The following LRCH1 variants were observed in gnomAD, a reference collection of about 807,000 sequenced individuals.
LRCH1 encodes leucine-rich repeat and calponin homology domain-containing protein 1.
Under a neutral mutation model 94.9 loss-of-function variants are expected in LRCH1, and 23 were observed. The ratio of observed to expected loss-of-function variants is 0.24; its 90% CI spans 0.17 to 0.34. LRCH1 has a LOEUF of 0.34. Ranked by LOEUF, LRCH1 falls within the 10% of genes least tolerant of loss-of-function variation. The pLI is 1.00. For synonymous variants in LRCH1, 364 were observed against 354.9 expected, an observed-to-expected ratio of 1.03 and a Z score of -0.29; for missense variants, 790 against 945.9, an observed-to-expected ratio of 0.84 and a Z score of 2.16.
chr13:46,687,757 A>T (rs1357103307), intron 5 of LRCH1, 95 bp from the exon 6 acceptor site: 1 of 1,031,224 alleles, frequency 9.7e-7, no homozygotes, highest in Non-Finnish European at 1.4e-6. Context: ...TTAAAATGAA[A>T]CTGGGAAAAT....
rs890893544 is a variant in LRCH1, at chr13:46,553,475, C to CACA, written c.81_82insAAC (p.His27_His28insAsn). On this transcript the variant is annotated inframe_insertion, in exon 1 of 20. Coordinates refer to ENST00000389797, the MANE Select transcript of LRCH1 (RefSeq NM_001164211.2). ...TACTCTGCACCCACTTCATCATCCCCACCACCACCACCACCACCATCAGCA... is the reference window on the plus strand; with the variant it reads ...TACTCTGCACCCACTTCATCATCCCCACAACCACCACCACCACCACCATCAGCA... 52 of 1,529,758 alleles carry CACA rather than the reference C, an allele frequency of 3.4e-5. No individual in the cohort carries two copies. Among genetic ancestry groups the CACA allele is most frequent in the Non-Finnish European group, 4.4e-5 (50 of 1,134,530 alleles). The allele number at this position is 1,529,758 out of a possible 1,614,324, so 94.8% of individuals were successfully genotyped here.
At chr13:46,625,324 C>A (rs567993233) in intron 1 of LRCH1, among the ~76,000 whole-genome samples, 4 of 152,368 alleles carry the variant, frequency 2.6e-5, no homozygotes, top group African/African-American at 9.6e-5. Context: ...ATACTATGGA[C>A]TGCGTTTGTG....
At chr13:46,567,695 C>G (rs1924417) in intron 1 of LRCH1, among the ~76,000 whole-genome samples, 53,573 of 151,978 alleles carry the variant, frequency 0.35, 11,677 homozygotes, top group East Asian at 0.48. Flanking sequence ...TGTGCTATAA[C>G]TTTATAAGTA....
At chr13:46,722,005 G>A (rs754951518) in intron 16 of LRCH1, among the ~76,000 whole-genome samples, 14 of 152,146 alleles carry the variant, frequency 9.2e-5, no homozygotes, top group East Asian at 1.9e-4. Flanking sequence ...TACACCGAGC[G>A]GACTCAAGTC....
chr13:46,674,734 TAA>T (rs774244872), intron 3 of LRCH1, among the ~76,000 whole-genome samples: 65 of 152,334 alleles, frequency 4.3e-4, no homozygotes, highest in Middle Eastern at 3.4e-3. Flanking sequence ...GTCTTGAAAA[TAA>T]GCTAGCAAGG....
In LRCH1 at chr13:46,743,357, A is replaced by G; in HGVS notation, c.*1509A>G. On this transcript the variant is annotated 3_prime_UTR_variant, in exon 20 of 20. Transcript: ENST00000389797. ...GCTAACAGGAAGCATTCTTTACATGACAGTATCTTGAGTTATGTGAGTTTT... is the reference window on the plus strand; with the variant it reads ...GCTAACAGGAAGCATTCTTTACATGGCAGTATCTTGAGTTATGTGAGTTTT... 1.0e-6 allele frequency: 1 copy of G among 985,854 alleles called. No individual in the cohort carries two copies. Among genetic ancestry groups the G allele is most frequent in the Non-Finnish European group, 1.2e-6 (1 of 829,916 alleles). 61.1% of individuals were successfully genotyped at this position (985,854 alleles called of 1,614,324 possible). A position where few individuals can be genotyped will look rare whatever the true frequency, so the allele number is the denominator to read the frequency against.
At chr13:46,613,389 A>G (rs1245059536) in intron 1 of LRCH1, among the ~76,000 whole-genome samples, 1 of 150,892 alleles carries the variant, frequency 6.6e-6, no homozygotes, top group Non-Finnish European at 1.5e-5. Context: ...CCCGTCTGAA[A>G]AAAAAAAAAG....
chr13:46,656,522 G>A (rs9534453), intron 2 of LRCH1, among the ~76,000 whole-genome samples: 79,121 of 152,078 alleles, frequency 0.52, 21,159 homozygotes, highest in East Asian at 0.62. Context: ...TGGTAGCCAG[G>A]TTTTGTTTTG....
At chr13:46,748,586 C>T (rs575613649), downstream of LRCH1, among the ~76,000 whole-genome samples, 9 of 152,256 alleles carry the variant, frequency 5.9e-5, no homozygotes, top group African/African-American at 2.2e-4. Flanking sequence ...CCACAGATAT[C>T]CCTCACCATG....
chr13:46,677,470 C>A (rs2051693688), intron 3 of LRCH1, among the ~76,000 whole-genome samples: 1 of 152,016 alleles, frequency 6.6e-6, no homozygotes, highest in Non-Finnish European at 1.5e-5. Context: ...TCTCTTTTAC[C>A]ATATTGCTTT....
At chr13:46,581,629 T>C (rs768078242) in intron 1 of LRCH1, among the ~76,000 whole-genome samples, 35 of 152,214 alleles carry the variant, frequency 2.3e-4, no homozygotes, top group Non-Finnish European at 4.7e-4. Context: ...AATGTGTAAG[T>C]AATTTTTCTG....
intron 2 of LRCH1, among the ~76,000 whole-genome samples, chr13:46,660,269 C>T (rs2051430712): frequency 6.6e-6 from 1 of 152,036 alleles, no homozygotes; most frequent in South Asian, 2.1e-4. Flanking sequence ...CCACCTCGGC[C>T]TCCCAAAGTG....
intron 1 of LRCH1, among the ~76,000 whole-genome samples, chr13:46,580,255 A>G (rs2050350101): frequency 6.6e-6 from 1 of 152,224 alleles, no homozygotes; most frequent in Non-Finnish European, 1.5e-5. Context: ...TCATCAAATT[A>G]TAACCTGACT....
chr13:46,642,478 T>C (rs1203739900), intron 1 of LRCH1, among the ~76,000 whole-genome samples: 2 of 152,118 alleles, frequency 1.3e-5, no homozygotes, highest in African/African-American at 4.8e-5. Flanking sequence ...CCTCGCTAGG[T>C]TGTGATGAGG....
At chr13:46,715,273 A>G (rs1472815293) in intron 15 of LRCH1, among the ~76,000 whole-genome samples, 1 of 152,038 alleles carries the variant, frequency 6.6e-6, no homozygotes, top group East Asian at 1.9e-4. Flanking sequence ...ATTCATTAGT[A>G]CTCTAAGTCT....
chr13:46,594,443 G>T (rs1042004089), intron 1 of LRCH1, among the ~76,000 whole-genome samples: 1 of 152,030 alleles, frequency 6.6e-6, no homozygotes, highest in Non-Finnish European at 1.5e-5. Context: ...TCAATGAAGC[G>T]ATCTTTGCAA....
chr13:46,575,041 A>G (rs574859650), intron 1 of LRCH1, among the ~76,000 whole-genome samples: 11 of 152,080 alleles, frequency 7.2e-5, no homozygotes, highest in Non-Finnish European at 1.5e-4. Context: ...ATCAATGGAT[A>G]GTGGGATAAA....
chr13:46,627,631 C>T (rs978398232), intron 1 of LRCH1, among the ~76,000 whole-genome samples: 2 of 152,160 alleles, frequency 1.3e-5, no homozygotes, highest in Non-Finnish European at 2.9e-5. Context: ...TACCTTAGTG[C>T]ATGCACACAC....
intron 13 of LRCH1, among the ~76,000 whole-genome samples, chr13:46,707,870 C>T (rs1460743697): frequency 6.6e-6 from 1 of 152,212 alleles, no homozygotes; most frequent in East Asian, 1.9e-4. Context: ...ATTAAAGACA[C>T]AGAGGTCCTA....
Sources: allele counts gnomAD v4.1 joint callset (sites outside exome capture counted in the v4.1 genomes callset), GRCh38; gene constraint gnomAD v4.1.1; transcripts MANE v1.5; gene names NCBI Gene and HGNC (gene_info 2026-07-23, HGNC 2026-07-21).